Variants in FHIT observed in about 807,000 individuals in gnomAD.
FHIT encodes fragile histidine triad diadenosine triphosphatase.
A neutral mutation model predicts 17.9 loss-of-function variants in FHIT; 19 were observed. The ratio of observed to expected loss-of-function variants is 1.06; its 90% CI spans 0.74 to 1.56. FHIT has a LOEUF of 1.56. Among genes scored for constraint, FHIT ranks in the 40% most tolerant of loss-of-function variants. The pLI is 0.00. For missense variants in FHIT, 248 were observed against 189.2 expected, an observed-to-expected ratio of 1.31 and a Z score of -1.82; for synonymous variants, 81 against 69.7, an observed-to-expected ratio of 1.16 and a Z score of -0.81.
chr3:59,950,767 T>C (rs961829742), intron 7 of FHIT, among the ~76,000 whole-genome samples: 5 of 152,150 alleles, frequency 3.3e-5, no homozygotes, highest in African/African-American at 4.8e-5. Flanking sequence ...AAATGTTCCT[T>C]TTATTCTACA....
intron 5 of FHIT, among the ~76,000 whole-genome samples, chr3:60,304,611 T>A (rs998218008): frequency 1.3e-5 from 2 of 152,132 alleles, no homozygotes; most frequent in Admixed American, 6.6e-5. Flanking sequence ...AAACATAGGA[T>A]AAGCAGTTAA....
rs1357159509 is a variant in FHIT at position 60,860,417 on chromosome 3, GTA to G, written c.-110-38408_-110-38407del. Among the ~76,000 whole-genome samples, 39 of 135,782 alleles carry G rather than the reference GTA, an allele frequency of 2.9e-4. 1 individual carries two copies. The highest frequency in any genetic ancestry group is 8.7e-4 in the African/African-American group (33 of 38,046). 89.1% of individuals were successfully genotyped at this position (135,782 alleles called of 152,430 possible). ...TATGTATATATGACATACATCATAT[GTA>G]TATATGATACATATATATCATGTAT... On this transcript the variant is annotated intron_variant, in intron 3 of 9. Coordinates refer to ENST00000492590, the MANE Select transcript of FHIT (RefSeq NM_002012.4).
chr3:59,858,515 C>A (rs1433311269), intron 8 of FHIT, among the ~76,000 whole-genome samples: 1 of 151,968 alleles, frequency 6.6e-6, no homozygotes, highest in Non-Finnish European at 1.5e-5. Flanking sequence ...TGTGAGCCAT[C>A]GTGCCCAGCC....
At chr3:59,987,112 AT>A (rs1709015631) in intron 7 of FHIT, among the ~76,000 whole-genome samples, 1 of 138,880 alleles carries the variant, frequency 7.2e-6, no homozygotes, top group Non-Finnish European at 1.6e-5. Flanking sequence ...AAAAATCTAT[AT>A]ATTTTATATA....
intron 4 of FHIT, among the ~76,000 whole-genome samples, chr3:60,774,661 G>C (rs1456464969): frequency 6.6e-6 from 1 of 152,144 alleles, no homozygotes; most frequent in Non-Finnish European, 1.5e-5. Context: ...TAATAAAGTA[G>C]ATGCCAGCAT....
chr3:60,653,888 C>T (rs899973763), intron 4 of FHIT, among the ~76,000 whole-genome samples: 23 of 152,310 alleles, frequency 1.5e-4, no homozygotes, highest in African/African-American at 2.6e-4. Context: ...ATATTTGTTC[C>T]TGCCCAAATC....
intron 3 of FHIT, among the ~76,000 whole-genome samples, chr3:60,966,371 A>C (rs1709743203): frequency 6.6e-6 from 1 of 152,224 alleles, no homozygotes; most frequent in African/African-American, 2.4e-5. Context: ...GGAATTCCCC[A>C]ACCCCTTGCA....
chr3:60,961,396 G>C (rs1709436440), intron 3 of FHIT, among the ~76,000 whole-genome samples: 1 of 152,060 alleles, frequency 6.6e-6, no homozygotes, highest in African/African-American at 2.4e-5. Context: ...TCACTCTGAT[G>C]GTAGTTTCTT....
intron 4 of FHIT, among the ~76,000 whole-genome samples, chr3:60,634,440 A>C (rs2107778977): frequency 6.6e-6 from 1 of 152,374 alleles, no homozygotes; most frequent in South Asian, 2.1e-4. Flanking sequence ...TAACTTCTGT[A>C]ATATTTCTGA....
chr3:60,241,467 T>G (rs1433700012), intron 5 of FHIT, among the ~76,000 whole-genome samples: 1 of 152,180 alleles, frequency 6.6e-6, no homozygotes, highest in Non-Finnish European at 1.5e-5. Context: ...AAATATTTAT[T>G]TACATGCATT....
chr3:59,936,912 T>C (rs17302202), intron 7 of FHIT, among the ~76,000 whole-genome samples: 13,559 of 152,228 alleles, frequency 0.089, 738 homozygotes, highest in Admixed American at 0.13. Flanking sequence ...CTTGTGCTAA[T>C]TCTCTTTCCA....
intron 5 of FHIT, among the ~76,000 whole-genome samples, chr3:60,074,660 A>AG (rs5849322): frequency 0.12 from 10,799 of 93,690 alleles, 424 homozygotes; most frequent in Middle Eastern, 0.18. Context: ...ACTGTTCCAA[A>AG]GGGGAAAAAA....
intron 5 of FHIT, among the ~76,000 whole-genome samples, chr3:60,322,953 C>T (rs1327125641): frequency 6.6e-6 from 1 of 152,038 alleles, no homozygotes; most frequent in Non-Finnish European, 1.5e-5. Flanking sequence ...ATAAAAGGAG[C>T]AGAAGGACTG....
chr3:60,510,083 A>G (rs1438102612), intron 5 of FHIT, among the ~76,000 whole-genome samples: 1 of 152,232 alleles, frequency 6.6e-6, no homozygotes, highest in East Asian at 1.9e-4. Context: ...TGGAAAATGA[A>G]TAAAATGTCA....
At chr3:60,226,136 G>A (rs141290906) in intron 5 of FHIT, among the ~76,000 whole-genome samples, 1 of 152,194 alleles carries the variant, frequency 6.6e-6, no homozygotes, top group Non-Finnish European at 1.5e-5. Context: ...TGGTGAAGAA[G>A]GACCAGAGGA....
intron 5 of FHIT, among the ~76,000 whole-genome samples, chr3:60,502,273 G>C (rs2034555089): frequency 6.6e-6 from 1 of 152,106 alleles, no homozygotes; most frequent in South Asian, 2.1e-4. Flanking sequence ...CTAAGGCTTT[G>C]AAAGCTGGCC....
intron 5 of FHIT, among the ~76,000 whole-genome samples, chr3:60,246,758 CCTT>C (rs1705415946): frequency 6.6e-6 from 1 of 152,078 alleles, no homozygotes; most frequent in African/African-American, 2.4e-5. Flanking sequence ...AAATTATTGA[CCTT>C]CTTCATATTG....
At chr3:60,020,733 G>C (rs560525963) in intron 5 of FHIT, among the ~76,000 whole-genome samples, 6 of 152,200 alleles carry the variant, frequency 3.9e-5, no homozygotes, top group Non-Finnish European at 8.8e-5. Context: ...AATTCTTAAT[G>C]TCACTTCACA....
chr3:60,407,193 T>A (rs927594433), intron 5 of FHIT, among the ~76,000 whole-genome samples: 8 of 150,044 alleles, frequency 5.3e-5, no homozygotes, highest in Admixed American at 2.7e-4. Flanking sequence ...CAATCATGGA[T>A]CTGGAGCCAG....
Sources: gnomAD v4.1 joint callset for allele counts (sites outside exome capture counted in the v4.1 genomes callset) on GRCh38, gnomAD v4.1.1 for gene constraint, MANE v1.5 for transcripts, NCBI Gene and HGNC (gene_info 2026-07-23, HGNC 2026-07-21) for gene names.